Variants in TANGO6 observed in about 807,000 individuals in gnomAD.
The protein encoded by TANGO6 is transport and Golgi organization protein 6 homolog.
In TANGO6, 90 loss-of-function variants were observed where a neutral mutation model predicts 114.2. The ratio of observed to expected loss-of-function variants is 0.79; its 90% CI spans 0.66 to 0.94. TANGO6 has a LOEUF of 0.94. Among genes scored for constraint, TANGO6 ranks in the 40% least tolerant of loss-of-function variants. The pLI is 0.00. For missense variants in TANGO6, 1,274 were observed against 1,315.3 expected (o/e 0.97, Z 0.49); for synonymous variants, 477 against 509.8 (o/e 0.94, Z 0.87).
intron 15 of TANGO6, among the ~76,000 whole-genome samples, chr16:69,002,904 T>C (rs1468306750): frequency 6.6e-6 from 1 of 151,884 alleles, no homozygotes; most frequent in East Asian, 1.9e-4. Context: ...TAGTTGGGTC[T>C]GGTGGCACAC....
chr16:69,038,053 A>C (rs182862838), intron 16 of TANGO6, among the ~76,000 whole-genome samples: 2 of 152,344 alleles, frequency 1.3e-5, no homozygotes, highest in Admixed American at 6.5e-5. Context: ...TTCTAAACAC[A>C]GTCTGGCTAT....
intron 1 of TANGO6, among the ~76,000 whole-genome samples, chr16:68,852,986 G>A (rs1313125428): frequency 6.6e-6 from 1 of 151,544 alleles, no homozygotes; most frequent in Non-Finnish European, 1.5e-5. Context: ...CTCTTTTTTT[G>A]ATGCGTTCAA....
chr16:68,847,344 G>GTCAA (rs1403984636), intron 1 of TANGO6, among the ~76,000 whole-genome samples: 36 of 152,208 alleles, frequency 2.4e-4, no homozygotes, highest in African/African-American at 8.2e-4. Context: ...AGGGTCTTGG[G>GTCAA]AACCCCCGGC....
intron 17 of TANGO6, among the ~76,000 whole-genome samples, chr16:69,062,944 T>C (rs781072246): frequency 5.6e-4 from 85 of 151,202 alleles, no homozygotes; most frequent in Non-Finnish European, 1.0e-3. Flanking sequence ...ATACAAAAAC[T>C]TGGCTGGGCG....
chr16:69,045,402 C>G (rs1215738918), intron 17 of TANGO6, among the ~76,000 whole-genome samples: 6 of 145,686 alleles, frequency 4.1e-5, no homozygotes, highest in Admixed American at 6.9e-5. Context: ...CAAGATCGAG[C>G]CACTGCACTC....
chr16:68,849,745 G>A (rs1961871179), intron 1 of TANGO6, among the ~76,000 whole-genome samples: 1 of 152,032 alleles, frequency 6.6e-6, no homozygotes, highest in African/African-American at 2.4e-5. Flanking sequence ...TGGATTTTTA[G>A]AAAATGAAAA....
At chr16:68,943,014 C>T (rs989532362) in intron 14 of TANGO6, among the ~76,000 whole-genome samples, 2 of 150,612 alleles carry the variant, frequency 1.3e-5, no homozygotes, top group Non-Finnish European at 3.0e-5. Flanking sequence ...AGTCCTCCCA[C>T]CTTAGACTCC....
At chr16:68,845,946 G>A (rs1247936648) in intron 1 of TANGO6, among the ~76,000 whole-genome samples, 1 of 151,342 alleles carries the variant, frequency 6.6e-6, no homozygotes, top group East Asian at 1.9e-4. Context: ...CCCACCTCCC[G>A]GGTTCGAGCA....
At chr16:68,912,110 G>A (rs1382439683) in intron 11 of TANGO6, among the ~76,000 whole-genome samples, 1 of 152,194 alleles carries the variant, frequency 6.6e-6, no homozygotes, top group Non-Finnish European at 1.5e-5. Flanking sequence ...TGTGTTTCCT[G>A]TAAGAATTGT....
chr16:68,843,850 A>G (rs1481761554), intron 1 of TANGO6, 139 bp downstream of exon 1: 13 of 773,714 alleles, frequency 1.7e-5, no homozygotes, highest in Admixed American at 2.6e-5. Flanking sequence ...GGCTTTGAGC[A>G]TTGTCTATGC....
At chr16:68,926,725 G>T (rs984529852) in intron 12 of TANGO6, among the ~76,000 whole-genome samples, 1 of 151,584 alleles carries the variant, frequency 6.6e-6, no homozygotes. Flanking sequence ...GTGGGGTTTC[G>T]CCATGTTGGC....
chr16:68,955,732 A>C (rs1963522808), intron 14 of TANGO6, among the ~76,000 whole-genome samples: 1 of 152,226 alleles, frequency 6.6e-6, no homozygotes, highest in Non-Finnish European at 1.5e-5. Flanking sequence ...AGAAACCTTA[A>C]CATGCAGCAT....
In TANGO6 at chr16:68,898,098, A is replaced by G. The variant is rs553576899; in HGVS notation, c.1378-2336A>G. Among the ~76,000 whole-genome samples, 12 of 152,288 alleles carry G rather than the reference A, an allele frequency of 7.9e-5. No individual in the cohort carries two copies. In the South Asian group the frequency reaches 2.3e-3, roughly 29 times the overall value. The stretch of plus-strand genomic sequence containing the variant: ...GATGGCTCCACAGGGATTACCTCCG[A>G]GAACACAGGATCCAAAGCCGAACAA... On this transcript the variant is annotated intron_variant, in intron 7 of 17. Transcript: ENST00000261778.
chr16:68,870,074 A>T (rs188114020), intron 4 of TANGO6, among the ~76,000 whole-genome samples: 1 of 152,216 alleles, frequency 6.6e-6, no homozygotes, highest in East Asian at 1.9e-4. Context: ...AGAAATATCT[A>T]TCTGGAGGTA....
intron 17 of TANGO6, among the ~76,000 whole-genome samples, chr16:69,074,862 T>C (rs1489264611): frequency 6.6e-6 from 1 of 151,456 alleles, no homozygotes; most frequent in Non-Finnish European, 1.5e-5. Context: ...ATTATTTTTT[T>C]TTGGAGGCAG....
chr16:69,006,630 A>G (rs1320683647), intron 15 of TANGO6, among the ~76,000 whole-genome samples: 2 of 152,098 alleles, frequency 1.3e-5, no homozygotes, highest in Non-Finnish European at 2.9e-5. Context: ...ACGCGCCTGT[A>G]ATCCCATCTA....
intron 1 of TANGO6, among the ~76,000 whole-genome samples, chr16:68,846,313 C>T (rs1036573218): frequency 1.3e-5 from 2 of 152,044 alleles, no homozygotes; most frequent in Non-Finnish European, 2.9e-5. Flanking sequence ...ATTACAGGCG[C>T]GAGCCACCAT....
Position 68,860,143 on chromosome 16 carries a change from A to T in TANGO6, c.354A>T (p.Pro118=). The part of the protein sequence containing the change: ...TMIRLAANFN[P]GKPNPRTPEV... Reference sequence around the variant, plus strand: ...TCCGCCTTGCAGCTAATTTCAATCCAGGTAAACCCAACCCTAGGACTCCGG... The same window carrying T: ...TCCGCCTTGCAGCTAATTTCAATCCTGGTAAACCCAACCCTAGGACTCCGG... Residue 118 remains proline (P), a synonymous_variant, in exon 2 of 18, where the codon CCA becomes CCT. Coordinates refer to ENST00000261778, the MANE Select transcript of TANGO6 (RefSeq NM_024562.2). 6.2e-7 allele frequency: 1 copy of T among 1,614,048 alleles called. No homozygotes were observed. The highest frequency in any genetic ancestry group is 8.5e-7 in the Non-Finnish European group (1 of 1,179,898).
chr16:69,015,673 G>A (rs1299259063), intron 15 of TANGO6, among the ~76,000 whole-genome samples: 1 of 151,666 alleles, frequency 6.6e-6, no homozygotes, highest in Non-Finnish European at 1.5e-5. Flanking sequence ...AATAGAGACC[G>A]GGTTTCGCCA....
Sources: gnomAD v4.1 joint callset for allele counts (sites outside exome capture counted in the v4.1 genomes callset) on GRCh38, gnomAD v4.1.1 for gene constraint, MANE v1.5 for transcripts, NCBI Gene and HGNC (gene_info 2026-07-23, HGNC 2026-07-21) for gene names.